PXDNL: variants seen among roughly 807,000 people sequenced by gnomAD.
The protein encoded by PXDNL is peroxidasin like.
Under a neutral mutation model 150.8 loss-of-function variants are expected in PXDNL, and 145 were observed. The ratio of observed to expected loss-of-function variants is 0.96; its 90% CI spans 0.84 to 1.10. The LOEUF (loss-of-function observed/expected upper bound fraction) is 1.10, where lower values mean the gene tolerates loss of function less well. Ranked by LOEUF, PXDNL falls within the 50% of genes least tolerant of loss-of-function variation. PXDNL has a pLI of 0.00. For synonymous variants in PXDNL, 757 were observed against 725.7 expected (o/e 1.04, Z -0.69); for missense variants, 2,087 against 1,873.9 (o/e 1.11, Z -2.10).
chr8:51,321,091 T>G, intron 21 of PXDNL, 194 bp from the exon 22 acceptor site: 1 of 539,918 alleles, frequency 1.9e-6, no homozygotes, highest in Non-Finnish European at 3.3e-6. Context: ...TCCAAACAAA[T>G]AAACAGTTCT....
Position 51,447,843 on chromosome 8 carries a change from C to T in PXDNL, c.1367-681G>A, listed in dbSNP as rs76654083. Among the ~76,000 whole-genome samples the T allele has an allele frequency of 4.8e-3, 726 of 152,330 alleles. 4 individuals carry two copies. Among genetic ancestry groups the T allele is most frequent in the Non-Finnish European group, 7.6e-3 (515 of 68,038 alleles). ...GAGCGTACACACACTGTGCCATCAA[C>T]TATTCTAAATGTTGAAGAGTATAAA... On this transcript the variant is annotated intron_variant, in intron 11 of 22. Transcript: ENST00000356297.
At chr8:51,695,757 T>C (rs1816108011) in intron 1 of PXDNL, among the ~76,000 whole-genome samples, 1 of 152,186 alleles carries the variant, frequency 6.6e-6, no homozygotes, top group African/African-American at 2.4e-5. Context: ...CTAGAAAAGC[T>C]AAGATGACTC....
In PXDNL at chr8:51,319,849, T is replaced by G; in HGVS notation, c.*42A>C. On this transcript the variant is annotated 3_prime_UTR_variant, in exon 23 of 23. Transcript: ENST00000356297. Reference sequence around the variant, plus strand: ...TTCTGAAGTCCTAAATGTCTCTTCCTGAGAAATTTCCCATTTGGGGCTCAA... The same window carrying G: ...TTCTGAAGTCCTAAATGTCTCTTCCGGAGAAATTTCCCATTTGGGGCTCAA... 7.7e-6 allele frequency: 11 copies of G among 1,426,004 alleles called. No homozygotes were observed. Among genetic ancestry groups the G allele is most frequent in the Non-Finnish European group, 1.0e-5 (11 of 1,082,502 alleles). The allele number at this position is 1,426,004 out of a possible 1,614,324, so 88.3% of individuals were successfully genotyped here.
At chr8:51,676,430 C>A (rs1815623957) in intron 1 of PXDNL, among the ~76,000 whole-genome samples, 1 of 152,160 alleles carries the variant, frequency 6.6e-6, no homozygotes, top group South Asian at 2.1e-4. Flanking sequence ...GCACATGCCA[C>A]CATGCCTGGC....
chr8:51,644,351 C>CATGTATAT (rs1814860279), intron 2 of PXDNL, among the ~76,000 whole-genome samples: 1 of 44,716 alleles, frequency 2.2e-5, no homozygotes, highest in Non-Finnish European at 6.0e-5. Flanking sequence ...CACACACACA[C>CATGTATAT]ACACACACAC....
Position 51,423,629 on chromosome 8 carries a change from C to T in PXDNL, c.1741G>A (p.Val581Met), listed in dbSNP as rs770536550. 3 of 1,613,770 alleles carry T rather than the reference C, an allele frequency of 1.9e-6. No individual in the cohort carries two copies. The highest frequency in any genetic ancestry group is 2.5e-6 in the Non-Finnish European group (3 of 1,179,852). Residue 581 changes from valine to methionine, a missense_variant, in exon 14 of 23, where the codon GTG becomes ATG. Coordinates refer to ENST00000356297, the MANE Select transcript of PXDNL (RefSeq NM_144651.5). ...GFPDQGRYEC[V>M]ARNSFGLAVT... ...GCAAGGCCAAAAGAATTCCGAGCCA[C>T]ACATTCATATCTTCCCTGGTCAGGG...
chr8:51,363,441 C>A (rs1806815500), intron 19 of PXDNL, among the ~76,000 whole-genome samples: 2 of 152,128 alleles, frequency 1.3e-5, no homozygotes, highest in Admixed American at 6.5e-5. Context: ...TCCTGTCTCT[C>A]TTAAGGGCTT....
At position 51,600,366 on chromosome 8, in the gene PXDNL, T is replaced by C. The variant is rs59561794; in HGVS notation, c.237-7668A>G. The stretch of plus-strand genomic sequence containing the variant: ...ATCGTTTAGATAATAAATTATATCT[T>C]GTATAAATTATATCGTTTAGATAAT... On this transcript the variant is annotated intron_variant, in intron 2 of 22. Coordinates refer to ENST00000356297, the MANE Select transcript of PXDNL (RefSeq NM_144651.5). 1.8e-4 allele frequency among the ~76,000 whole-genome samples: 23 copies of C among 129,602 alleles called. 2 individuals are homozygous for C. Among genetic ancestry groups the C allele is most frequent in the African/African-American group, 6.7e-4 (22 of 32,630 alleles). 85.0% of individuals were successfully genotyped at this position (129,602 alleles called of 152,430 possible).
chr8:51,674,892 T>C (rs1245670034), intron 1 of PXDNL, among the ~76,000 whole-genome samples: 1 of 152,216 alleles, frequency 6.6e-6, no homozygotes, highest in Non-Finnish European at 1.5e-5. Flanking sequence ...TAGTTAACAC[T>C]CTGCTACCCT....
intron 1 of PXDNL, among the ~76,000 whole-genome samples, chr8:51,681,784 A>G (rs1206194307): frequency 6.6e-6 from 1 of 152,218 alleles, no homozygotes; most frequent in African/African-American, 2.4e-5. Flanking sequence ...GTGCGATGCC[A>G]TATTTGTAGC....
chr8:51,731,212 A>G (rs951952789), intron 1 of PXDNL, among the ~76,000 whole-genome samples: 2 of 152,250 alleles, frequency 1.3e-5, no homozygotes, highest in African/African-American at 4.8e-5. Flanking sequence ...CCTAGATACA[A>G]TGGGGGTACA....
chr8:51,622,211 A>G (rs1430909084), intron 2 of PXDNL, among the ~76,000 whole-genome samples: 1 of 152,140 alleles, frequency 6.6e-6, no homozygotes, highest in East Asian at 1.9e-4. Flanking sequence ...GCAAGGAAGC[A>G]GGAATCTCAG....
intron 2 of PXDNL, among the ~76,000 whole-genome samples, chr8:51,636,861 G>A (rs1324731215): frequency 6.6e-6 from 1 of 151,746 alleles, no homozygotes; most frequent in East Asian, 1.9e-4. Flanking sequence ...TCCCAGCATG[G>A]AGTGTGAGAT....
intron 6 of PXDNL, among the ~76,000 whole-genome samples, chr8:51,475,561 T>G (rs985158279): frequency 6.6e-5 from 10 of 152,114 alleles, no homozygotes; most frequent in Non-Finnish European, 1.5e-5. Flanking sequence ...GCCAGGAGTT[T>G]GAGACCAGCC....
chr8:51,449,130 G>A lies in PXDNL; in HGVS notation c.1250-12C>T. On this transcript the variant is annotated splice_polypyrimidine_tract_variant and intron_variant, in intron 10 of 22. Coordinates refer to ENST00000356297, the MANE Select transcript of PXDNL (RefSeq NM_144651.5). ...AAATTGTGGAGGAGCTAAAGAGAAT[G>A]AAACATACATCAAAATTGAAAATTA... 7.2e-7 allele frequency: 1 copy of A among 1,383,156 alleles called. No individual in the cohort carries two copies. The highest frequency in any genetic ancestry group is 1.8e-4 in the Middle Eastern group (1 of 5,612). The allele number at this position is 1,383,156 out of a possible 1,614,324, so 85.7% of individuals were successfully genotyped here.
chr8:51,604,420 G>A (rs1196522770), intron 2 of PXDNL, among the ~76,000 whole-genome samples: 1 of 152,070 alleles, frequency 6.6e-6, no homozygotes, highest in African/African-American at 2.4e-5. Flanking sequence ...AACACTGCAT[G>A]TTCTCACTCA....
At chr8:51,604,955 A>G (rs990188316) in intron 2 of PXDNL, among the ~76,000 whole-genome samples, 17 of 152,214 alleles carry the variant, frequency 1.1e-4, no homozygotes, top group Non-Finnish European at 2.5e-4. Flanking sequence ...ACAATTATAT[A>G]AAAGTTAGAA....
intron 1 of PXDNL, among the ~76,000 whole-genome samples, chr8:51,687,967 C>A (rs1020579025): frequency 2.6e-5 from 4 of 152,186 alleles, no homozygotes; most frequent in African/African-American, 9.7e-5. Context: ...TAAAATAGCA[C>A]AGATTTTGAC....
intron 4 of PXDNL, among the ~76,000 whole-genome samples, chr8:51,525,982 G>A (rs1436045935): frequency 1.3e-5 from 2 of 152,208 alleles, no homozygotes; most frequent in African/African-American, 4.8e-5. Flanking sequence ...TACGGTTCTT[G>A]TTAGGGGGAA....
Sources: gnomAD v4.1 joint callset for allele counts (sites outside exome capture counted in the v4.1 genomes callset) on GRCh38, gnomAD v4.1.1 for gene constraint, MANE v1.5 for transcripts, NCBI Gene and HGNC (gene_info 2026-07-23, HGNC 2026-07-21) for gene names.